KLHDC4: variants seen among roughly 807,000 people sequenced by gnomAD.
KLHDC4 encodes the protein kelch domain containing 4.
KLHDC4 carries 90 observed loss-of-function variants against 62.4 expected under a neutral mutation model. The ratio of observed to expected loss-of-function variants is 1.44; its 90% CI spans 1.22 to 1.72. The LOEUF (loss-of-function observed/expected upper bound fraction) is 1.72. KLHDC4 is among the 40% of genes most tolerant of loss of function. KLHDC4 has a pLI of 0.00. For synonymous variants in KLHDC4, 386 were observed against 284.4 expected (o/e 1.36, Z -3.59); for missense variants, 1,025 against 699.7 (o/e 1.47, Z -5.25).
At chr16:87,719,382 T>G (rs1191633912) in intron 7 of KLHDC4, among the ~76,000 whole-genome samples, 7 of 152,186 alleles carry the variant, frequency 4.6e-5, no homozygotes, top group Admixed American at 1.3e-4. Flanking sequence ...AACCCTGTGC[T>G]CTCTGAAACA....
chr16:87,732,682 C>T (rs2040593565), intron 5 of KLHDC4, among the ~76,000 whole-genome samples: 1 of 152,248 alleles, frequency 6.6e-6, no homozygotes, highest in Non-Finnish European at 1.5e-5. Flanking sequence ...GAATTAGATT[C>T]TTTAAAATAC....
Position 87,748,807 on chromosome 16 carries a change from C to G in KLHDC4, c.372G>C (p.Ala124=). 1 of 1,612,168 alleles carries G rather than the reference C, an allele frequency of 6.2e-7. No homozygotes were observed. The highest frequency in any genetic ancestry group is 8.5e-7 in the Non-Finnish European group (1 of 1,179,636). Residue 124 remains alanine (A), a splice_region_variant and synonymous_variant, in exon 5 of 12, where the codon GCG becomes GCC. Coordinates refer to ENST00000270583, the MANE Select transcript of KLHDC4 (RefSeq NM_017566.4). ...GTCCGCCACCTTGAGGCACTACCAC[C>G]GCCTGTGAAAAGAAAGGTGACAGGT... ...SPPPRRCAHQ[A]VVVPQGGGQL... is the part of the protein sequence containing the mutation.
At position 87,728,306 on chromosome 16, in the gene KLHDC4, G is replaced by A. The variant is rs923335324; in HGVS notation, c.600-1382C>T. ...CTGAGGAATGTGGAAATGTGGAAGC[G>A]TGTAATCTTTAAAAGACTGCTACAG... On this transcript the variant is annotated intron_variant, in intron 6 of 11. Transcript: ENST00000270583. 5.3e-5 allele frequency among the ~76,000 whole-genome samples: 8 copies of A among 152,354 alleles called. No homozygotes were observed. In the South Asian group the frequency reaches 8.3e-4, roughly 16 times the overall value.
chr16:87,755,196 G>GGT lies in KLHDC4; in HGVS notation c.365_366dup (p.Gln123ThrfsTer5). The GGT allele has an allele frequency of 8.1e-6, 13 of 1,602,612 alleles. No individual in the cohort carries two copies. The highest frequency in any genetic ancestry group is 1.1e-5 in the Non-Finnish European group (13 of 1,169,814). ...CTGAGAGTCAGTGCTGACATTACCT[G>GGT]GTGAGCACAGCGCCTCGGAGGTGGA... On this transcript the variant is annotated frameshift_variant, in exon 4 of 12. Coordinates refer to ENST00000270583, the MANE Select transcript of KLHDC4 (RefSeq NM_017566.4). LOFTEE classifies it high-confidence loss of function.
chr16:87,755,143 G>T, intron 4 of KLHDC4, 51 bp downstream of exon 4: 1 of 1,255,270 alleles, frequency 8.0e-7, no homozygotes, highest in Non-Finnish European at 1.2e-6. Context: ...GTGTCTACCA[G>T]ACTCCCACGT....
chr16:87,721,336 C>T lies in KLHDC4; in HGVS notation c.759+5429G>A, dbSNP rs113452185. Among the ~76,000 whole-genome samples the T allele has an allele frequency of 5.3e-5, 8 of 150,600 alleles. No individual in the cohort carries two copies. In the East Asian group the frequency reaches 1.2e-3, roughly 22 times the overall value. ...TCCGGAGGCAGGAGAATGGCGTGAA[C>T]CCGGTGGGTGGAGCTTGCAGTGCGC... On this transcript the variant is annotated intron_variant, in intron 7 of 11. Transcript: ENST00000270583.
chr16:87,759,564 C>T (rs926002215), intron 2 of KLHDC4, among the ~76,000 whole-genome samples: 45 of 152,072 alleles, frequency 3.0e-4, no homozygotes, highest in Non-Finnish European at 5.3e-4. Context: ...CTGACCAACA[C>T]GGAGAAACTC....
chr16:87,760,687 A>G lies in KLHDC4; in HGVS notation c.191+1262T>C, dbSNP rs191120075. Among the ~76,000 whole-genome samples, 127 of 152,012 alleles carry G rather than the reference A, an allele frequency of 8.4e-4. 2 individuals are homozygous for G. The highest frequency in any genetic ancestry group is 5.4e-3 in the East Asian group (28 of 5,164). On this transcript the variant is annotated intron_variant, in intron 2 of 11. Coordinates refer to ENST00000270583, the MANE Select transcript of KLHDC4 (RefSeq NM_017566.4). ...AAGTGGCTTTCCTCAGGAGTGCTAT[A>G]TATCAGAAGCCTAAGATCAAGGATT...
At chr16:87,706,023 G>A (rs1351764650), downstream of KLHDC4, among the ~76,000 whole-genome samples, 3 of 151,572 alleles carry the variant, frequency 2.0e-5, no homozygotes, top group African/African-American at 7.3e-5. Flanking sequence ...GTTGGCACAA[G>A]GCAACACAAC....
chr16:87,730,145 C>A (rs565287769), intron 6 of KLHDC4, among the ~76,000 whole-genome samples: 3 of 152,058 alleles, frequency 2.0e-5, no homozygotes. Flanking sequence ...GTAGAGACAG[C>A]GTTTCACTAT....
chr16:87,752,060 AG>A (rs1285610978), intron 4 of KLHDC4, among the ~76,000 whole-genome samples: 1 of 117,654 alleles, frequency 8.5e-6, no homozygotes, highest in Admixed American at 1.1e-4. Context: ...ACTGCACTCC[AG>A]CCTGGGCAAC....
intron 5 of KLHDC4, among the ~76,000 whole-genome samples, chr16:87,745,599 C>A (rs140502364): frequency 5.3e-4 from 81 of 152,370 alleles, no homozygotes; most frequent in African/African-American, 1.7e-3. Flanking sequence ...AGCTAAGATG[C>A]GCTTGGAGCT....
intron 5 of KLHDC4, among the ~76,000 whole-genome samples, chr16:87,738,737 T>C (rs144873817): frequency 0.085 from 1,313 of 15,516 alleles, no homozygotes; most frequent in Middle Eastern, 0.2. Flanking sequence ...ACCTCATCCA[T>C]CCACACACCA....
chr16:87,740,887 A>G (rs1447559283), intron 5 of KLHDC4: 1 of 152,224 alleles, frequency 6.6e-6, no homozygotes, highest in African/African-American at 2.4e-5. Flanking sequence ...ACGGAGATCT[A>G]TGCTGCAAAG....
At chr16:87,717,850 G>A (rs1324102979) in intron 7 of KLHDC4, among the ~76,000 whole-genome samples, 1 of 151,374 alleles carries the variant, frequency 6.6e-6, no homozygotes, top group Non-Finnish European at 1.5e-5. Context: ...CTGTCTATAT[G>A]AACCGTCTTG....
At chr16:87,741,960 CAA>C (rs1387927611) in intron 5 of KLHDC4, among the ~76,000 whole-genome samples, 1 of 152,220 alleles carries the variant, frequency 6.6e-6, no homozygotes, top group Non-Finnish European at 1.5e-5. Context: ...CTGGACTTCT[CAA>C]AAGACATAAG....
intron 2 of KLHDC4, 132 bp from the exon 3 acceptor site, chr16:87,756,609 T>A: frequency 4.6e-6 from 3 of 647,368 alleles, no homozygotes; most frequent in East Asian, 2.8e-5. Flanking sequence ...GAGCCTGGCA[T>A]CGAGAAAGGA....
chr16:87,759,525 T>A (rs1177615275), intron 2 of KLHDC4, among the ~76,000 whole-genome samples: 2 of 152,132 alleles, frequency 1.3e-5, no homozygotes, highest in African/African-American at 4.8e-5. Context: ...GGTGGGTGGA[T>A]CACCTAAGGT....
rs779699211 is a variant in KLHDC4, at chr16:87,709,582, C to A, written c.1130G>T (p.Gly377Val). 3.7e-6 allele frequency: 6 copies of A among 1,612,854 alleles called. No individual in the cohort carries two copies. The African/African-American group carries it at 5.3e-5, about 14-fold the overall frequency. The change falls in exon 10 of 12, where the codon GGC (glycine) becomes GTC (valine). Residue 377 changes from glycine (G) to valine (V), a missense_variant. Coordinates refer to ENST00000270583, the MANE Select transcript of KLHDC4 (RefSeq NM_017566.4). ...GACCAGCTGCACAGGCCCCTGGGTG[C>A]CAGCTCCCCCACACGCCGGCCTGCT... ...GGSRPACGGA[G>V]TQGPVQLVKE... is the part of the protein sequence containing the mutation.
Sources: gnomAD v4.1 joint callset for allele counts (sites outside exome capture counted in the v4.1 genomes callset) on GRCh38, gnomAD v4.1.1 for gene constraint, MANE v1.5 for transcripts, NCBI Gene and HGNC (gene_info 2026-07-23, HGNC 2026-07-21) for gene names.